The following MECOM variants were observed in gnomAD, a reference collection of about 807,000 sequenced individuals.
MECOM encodes the protein MDS1 and EVI1 complex locus, also known as histone-lysine N-methyltransferase MECOM.
In MECOM, 13 loss-of-function variants were observed where a neutral mutation model predicts 116.3. The observed-to-expected ratio is 0.11, with a 90% CI of 0.07 to 0.18. The LOEUF (loss-of-function observed/expected upper bound fraction) is 0.18. Among genes scored for constraint, MECOM ranks in the 10% least tolerant of loss-of-function variants. The pLI is 1.00. For synonymous variants in MECOM, 528 were observed against 535.2 expected (o/e 0.99, Z 0.19); for missense variants, 1,299 against 1,509.0 (o/e 0.86, Z 2.31).
intron 1 of MECOM, among the ~76,000 whole-genome samples, chr3:169,420,039 C>G (rs930175224): frequency 5.9e-5 from 9 of 152,122 alleles, no homozygotes; most frequent in African/African-American, 1.9e-4. Context: ...TAGAGAAATG[C>G]AAATCAAAAC....
intron 2 of MECOM, among the ~76,000 whole-genome samples, chr3:169,198,452 T>G (rs9864370): frequency 6.6e-6 from 1 of 152,014 alleles, no homozygotes. Context: ...CTGTGCTCTC[T>G]TTTTGTTTAA....
At chr3:169,147,365 G>C in intron 2 of MECOM, 2 of 985,492 alleles carry the variant, frequency 2.0e-6, no homozygotes, top group Non-Finnish European at 2.4e-6. Context: ...TCAGCCGCCG[G>C]GTTTCTATTT....
chr3:169,290,618 T>C (rs1714354077), intron 2 of MECOM, among the ~76,000 whole-genome samples: 2 of 152,166 alleles, frequency 1.3e-5, no homozygotes, highest in African/African-American at 4.8e-5. Context: ...TGGATGCAAG[T>C]AAAGAGCTGT....
intron 1 of MECOM, among the ~76,000 whole-genome samples, chr3:169,436,980 G>T (rs114442618): frequency 6.6e-6 from 1 of 152,170 alleles, no homozygotes; most frequent in African/African-American, 2.4e-5. Context: ...GAGAATAAAA[G>T]AGAAAAAATT....
At chr3:169,295,857 T>C (rs16853436) in intron 2 of MECOM, among the ~76,000 whole-genome samples, 9,242 of 152,256 alleles carry the variant, frequency 0.061, 788 homozygotes, top group African/African-American at 0.19. Context: ...AAACAAGTAT[T>C]ACAATCACAA....
intron 2 of MECOM, among the ~76,000 whole-genome samples, chr3:169,378,452 G>GAAA (rs1491467574): frequency 0.029 from 1,886 of 64,316 alleles, 239 homozygotes; most frequent in South Asian, 0.035. Flanking sequence ...AAAGAAAGAA[G>GAAA]GAAAGCAAGC....
At chr3:169,388,918 A>G (rs1405598355) in intron 1 of MECOM, among the ~76,000 whole-genome samples, 1 of 152,202 alleles carries the variant, frequency 6.6e-6, no homozygotes, top group Non-Finnish European at 1.5e-5. Context: ...AATATTTCAT[A>G]TACGAGTTGT....
At chr3:169,167,551 G>T (rs1041779151) in intron 2 of MECOM, among the ~76,000 whole-genome samples, 3 of 152,188 alleles carry the variant, frequency 2.0e-5, no homozygotes, top group African/African-American at 7.2e-5. Flanking sequence ...AGATGATTCA[G>T]ATGATTAACA....
chr3:169,573,958 A>T (rs896811215), intron 1 of MECOM, among the ~76,000 whole-genome samples: 2 of 151,954 alleles, frequency 1.3e-5, no homozygotes, highest in African/African-American at 4.9e-5. Flanking sequence ...ATTAATTTCA[A>T]TGTGATATTA....
chr3:169,470,244 T>C (rs1748985443), intron 1 of MECOM: 1 of 152,126 alleles, frequency 6.6e-6, no homozygotes, highest in African/African-American at 2.4e-5. Flanking sequence ...CCTCTATTCA[T>C]AGCCATAAGA....
At chr3:169,170,274 G>A (rs1371698096) in intron 2 of MECOM, among the ~76,000 whole-genome samples, 1 of 151,824 alleles carries the variant, frequency 6.6e-6, no homozygotes, top group Non-Finnish European at 1.5e-5. Flanking sequence ...AGCTGGGTGT[G>A]GTGGCGCATG....
intron 1 of MECOM, among the ~76,000 whole-genome samples, chr3:169,561,613 T>C (rs961734821): frequency 6.6e-6 from 1 of 152,136 alleles, no homozygotes; most frequent in Admixed American, 6.5e-5. Context: ...AAATTCACGA[T>C]AATGACAACT....
chr3:169,211,904 C>G (rs970840991), intron 2 of MECOM, among the ~76,000 whole-genome samples: 1 of 151,928 alleles, frequency 6.6e-6, no homozygotes, highest in African/African-American at 2.4e-5. Flanking sequence ...TTTGAAGTAC[C>G]CTCCTCCCTG....
At chr3:169,102,344 A>G in intron 10 of MECOM, 118 bp from the exon 11 acceptor site, 1 of 795,876 alleles carries the variant, frequency 1.3e-6, no homozygotes, top group Non-Finnish European at 1.9e-6. Context: ...GGTTGTAGAA[A>G]GAGACTGTAG....
At chr3:169,274,296 T>C (rs914930733) in intron 2 of MECOM, among the ~76,000 whole-genome samples, 1 of 152,198 alleles carries the variant, frequency 6.6e-6, no homozygotes, top group African/African-American at 2.4e-5. Context: ...ACACTTTCAA[T>C]AAACATTCAC....
intron 3 of MECOM, among the ~76,000 whole-genome samples, chr3:169,141,326 G>A (rs1457922571): frequency 3.3e-5 from 5 of 151,958 alleles, no homozygotes; most frequent in South Asian, 4.1e-4. Flanking sequence ...CTTGTAGAGC[G>A]TTCCATTTGC....
chr3:169,300,034 G>A (rs1357366160), intron 2 of MECOM, among the ~76,000 whole-genome samples: 1 of 152,030 alleles, frequency 6.6e-6, no homozygotes, highest in Admixed American at 6.5e-5. Flanking sequence ...AAAACTTAAG[G>A]GACTCATTGT....
At chr3:169,535,123 C>A (rs1417710327) in intron 1 of MECOM, among the ~76,000 whole-genome samples, 2 of 152,182 alleles carry the variant, frequency 1.3e-5, no homozygotes, top group African/African-American at 4.8e-5. Flanking sequence ...CTCCCTCTAT[C>A]TAAGCCGCTG....
intron 2 of MECOM, among the ~76,000 whole-genome samples, chr3:169,353,690 A>G (rs547528937): frequency 6.6e-6 from 1 of 152,048 alleles, no homozygotes; most frequent in African/African-American, 2.4e-5. Flanking sequence ...ACTATCTTCT[A>G]ATCATGAAGA....
Sources: gnomAD v4.1 joint callset for allele counts (sites outside exome capture counted in the v4.1 genomes callset) on GRCh38, gnomAD v4.1.1 for gene constraint, MANE v1.5 for transcripts, NCBI Gene and HGNC (gene_info 2026-07-23, HGNC 2026-07-21) for gene names.